Variants in PXDNL observed in about 807,000 individuals in gnomAD.
The protein encoded by PXDNL is peroxidasin like, also known as probable oxidoreductase PXDNL.
Under a neutral mutation model 150.8 loss-of-function variants are expected in PXDNL, and 145 were observed. The ratio of observed to expected loss-of-function variants is 0.96; its 90% CI spans 0.84 to 1.10. The LOEUF (loss-of-function observed/expected upper bound fraction) is 1.10. PXDNL is among the 50% of genes least tolerant of loss of function. PXDNL has a pLI of 0.00. For missense variants in PXDNL, 2,087 were observed against 1,873.9 expected (o/e 1.11, Z -2.10); for synonymous variants, 757 against 725.7 (o/e 1.04, Z -0.69).
Position 51,681,208 on chromosome 8 carries a change from T to C in PXDNL, c.165-26448A>G, listed in dbSNP as rs190959728. Among the ~76,000 whole-genome samples the C allele has an allele frequency of 1.5e-4, 23 of 152,090 alleles. No homozygotes were observed. The East Asian group carries it at 3.9e-3, about 26-fold the overall frequency. On this transcript the variant is annotated intron_variant, in intron 1 of 22. Coordinates refer to ENST00000356297, the MANE Select transcript of PXDNL (RefSeq NM_144651.5). ...AAGAAGGAGGTTTCTTCAGATTTCA[T>C]AGGCCAAACACAAACCCTCCCATCC... is the stretch of plus-strand genomic sequence containing the variant.
rs1370245448 is a variant in PXDNL at position 51,644,438 on chromosome 8, GTA to G, written c.236+10249_236+10250del. Among the ~76,000 whole-genome samples, 13 of 142,068 alleles carry G rather than the reference GTA, an allele frequency of 9.2e-5. No individual in the cohort carries two copies. In the East Asian group the frequency reaches 1.1e-3, roughly 12 times the overall value. The allele number at this position is 142,068 out of a possible 152,430, so 93.2% of individuals were successfully genotyped here. A position where few individuals can be genotyped will look rare whatever the true frequency, so the allele number is the denominator to read the frequency against. On this transcript the variant is annotated intron_variant, in intron 2 of 22. Transcript: ENST00000356297. ...TGTATATATATACACATATGTGTGT[GTA>G]TATATATATGGGTTGTTTTTGTTTT...
chr8:51,653,587 T>C (rs1815085646), intron 2 of PXDNL, among the ~76,000 whole-genome samples: 1 of 152,174 alleles, frequency 6.6e-6, no homozygotes. Flanking sequence ...AAACAAAGAA[T>C]AAACCCTGCA....
At chr8:51,639,094 A>T (rs1474310237) in intron 2 of PXDNL, among the ~76,000 whole-genome samples, 3 of 152,228 alleles carry the variant, frequency 2.0e-5, no homozygotes, top group Non-Finnish European at 4.4e-5. Context: ...CCTGCTCCTG[A>T]ATGACTACTG....
In PXDNL at chr8:51,453,865, G is replaced by C. The variant is rs755269435; in HGVS notation, c.983-80C>G. On this transcript the variant is annotated intron_variant, in intron 9 of 22. Coordinates refer to ENST00000356297, the MANE Select transcript of PXDNL (RefSeq NM_144651.5). Reference sequence around the variant, plus strand: ...TATTTATTCTGCATTGTGGTTTTAAGATTATTGTCATTTTCAAAATTCCTT... The same window carrying C: ...TATTTATTCTGCATTGTGGTTTTAACATTATTGTCATTTTCAAAATTCCTT... 9 of 1,461,620 alleles carry C rather than the reference G, an allele frequency of 6.2e-6. No individual in the cohort carries two copies. The East Asian group carries it at 1.6e-4, about 26-fold the overall frequency. 90.5% of individuals were successfully genotyped at this position (1,461,620 alleles called of 1,614,324 possible). A position where few individuals can be genotyped will look rare whatever the true frequency, so the allele number is the denominator to read the frequency against.
intron 4 of PXDNL, among the ~76,000 whole-genome samples, chr8:51,529,713 G>A (rs1365328685): frequency 6.6e-6 from 1 of 152,130 alleles, no homozygotes; most frequent in Non-Finnish European, 1.5e-5. Context: ...CACACAGCCA[G>A]CTACCTGCCC....
At chr8:51,543,082 A>G (rs2130489329) in intron 4 of PXDNL, among the ~76,000 whole-genome samples, 1 of 152,308 alleles carries the variant, frequency 6.6e-6, no homozygotes, top group Non-Finnish European at 1.5e-5. Context: ...TAGATTTCAG[A>G]GCCAGCCTGT....
intron 1 of PXDNL, among the ~76,000 whole-genome samples, chr8:51,794,556 A>G (rs976414903): frequency 6.6e-6 from 1 of 152,204 alleles, no homozygotes; most frequent in Non-Finnish European, 1.5e-5. Context: ...ATATCTGCCA[A>G]ACTAAGCTTC....
Position 51,411,350 on chromosome 8 carries a change from C to T in PXDNL, c.1962G>A (p.Leu654=), listed in dbSNP as rs764987792. ...CCCCTGCTCTTGCCATTTCCACAAT[C>T]AGTGGGTCACGCGGGTAATGAAATT... ...LAQFHYPRDP[L]IVEMARAGEI... The change falls in exon 16 of 23, where the codon CTG becomes CTA. Residue 654 remains leucine (L), a synonymous_variant. Coordinates refer to ENST00000356297, the MANE Select transcript of PXDNL (RefSeq NM_144651.5). 2 of 1,588,468 alleles carry T rather than the reference C, an allele frequency of 1.3e-6. No individual in the cohort carries two copies. The highest frequency in any genetic ancestry group is 2.3e-5 in the East Asian group (1 of 43,158).
intron 6 of PXDNL, among the ~76,000 whole-genome samples, chr8:51,482,453 T>C (rs548953564): frequency 3.3e-5 from 5 of 152,196 alleles, no homozygotes; most frequent in African/African-American, 1.2e-4. Flanking sequence ...GACTTTTGAG[T>C]TAATGCTGAA....
chr8:51,524,964 A>C (rs971347851), intron 4 of PXDNL, among the ~76,000 whole-genome samples: 2 of 152,132 alleles, frequency 1.3e-5, no homozygotes, highest in African/African-American at 4.8e-5. Flanking sequence ...TGACTCATAC[A>C]CCCTCGCCTT....
At chr8:51,688,993 A>G (rs1192288180) in intron 1 of PXDNL, among the ~76,000 whole-genome samples, 2 of 152,190 alleles carry the variant, frequency 1.3e-5, no homozygotes, top group African/African-American at 2.4e-5. Context: ...GATGGGCCCC[A>G]GCACGTCTCC....
At chr8:51,790,557 A>G (rs2037502254) in intron 1 of PXDNL, among the ~76,000 whole-genome samples, 1 of 152,158 alleles carries the variant, frequency 6.6e-6, no homozygotes, top group African/African-American at 2.4e-5. Context: ...AACTAAGGGC[A>G]GCATTATTTT....
intron 1 of PXDNL, among the ~76,000 whole-genome samples, chr8:51,708,425 G>A (rs188622602): frequency 6.6e-6 from 1 of 152,316 alleles, no homozygotes; most frequent in East Asian, 1.9e-4. Flanking sequence ...AGCTAAGAAA[G>A]CAGACTAAAA....
At chr8:51,351,874 A>G (rs1209205519) in intron 19 of PXDNL, among the ~76,000 whole-genome samples, 1 of 152,036 alleles carries the variant, frequency 6.6e-6, no homozygotes, top group Non-Finnish European at 1.5e-5. Context: ...TATCTCCACA[A>G]CATAGTGGTT....
chr8:51,630,641 CA>C (rs898861104), intron 2 of PXDNL, among the ~76,000 whole-genome samples: 10 of 151,870 alleles, frequency 6.6e-5, no homozygotes, highest in African/African-American at 2.4e-4. Context: ...AAACACTTTT[CA>C]AAAAAGTCAT....
rs79795353 is a variant in PXDNL, at chr8:51,402,079, G to A, written c.3557+5988C>T. Among the ~76,000 whole-genome samples the A allele has an allele frequency of 6.7e-3, 1,027 of 152,190 alleles. 8 individuals are homozygous for A. Among genetic ancestry groups the A allele is most frequent in the African/African-American group, 0.023 (971 of 41,526 alleles). On this transcript the variant is annotated intron_variant, in intron 17 of 22. Coordinates refer to ENST00000356297, the MANE Select transcript of PXDNL (RefSeq NM_144651.5). Reference sequence around the variant, plus strand: ...GCAAGTTTTTGGGAAGGAATCATGCGGTTTGATCTCCTGAAACCCAAGAGT... The same window carrying A: ...GCAAGTTTTTGGGAAGGAATCATGCAGTTTGATCTCCTGAAACCCAAGAGT...
At chr8:51,680,799 T>C (rs370556452) in intron 1 of PXDNL, among the ~76,000 whole-genome samples, 1 of 152,188 alleles carries the variant, frequency 6.6e-6, no homozygotes, top group East Asian at 1.9e-4. Context: ...TGTCAAATTG[T>C]TTCTGTCTCA....
intron 14 of PXDNL, among the ~76,000 whole-genome samples, chr8:51,421,908 G>T (rs1808965588): frequency 6.6e-6 from 1 of 152,156 alleles, no homozygotes; most frequent in African/African-American, 2.4e-5. Context: ...GAGGTTCGAA[G>T]ATCCTATGAC....
chr8:51,795,161 T>C (rs1413202506), intron 1 of PXDNL, among the ~76,000 whole-genome samples: 1 of 152,184 alleles, frequency 6.6e-6, no homozygotes, highest in Non-Finnish European at 1.5e-5. Context: ...CTTAGAGACC[T>C]ACAAAGGGAC....
Sources: gnomAD v4.1 joint callset for allele counts (sites outside exome capture counted in the v4.1 genomes callset) on GRCh38, gnomAD v4.1.1 for gene constraint, MANE v1.5 for transcripts, NCBI Gene and HGNC (gene_info 2026-07-23, HGNC 2026-07-21) for gene names.